SLC30A6: variants seen among roughly 807,000 people sequenced by gnomAD.
SLC30A6 encodes the protein solute carrier family 30 member 6.
Under a neutral mutation model 63.0 loss-of-function variants are expected in SLC30A6, and 55 were observed. The observed-to-expected ratio is 0.87, with a 90% CI of 0.70 to 1.09. The LOEUF is 1.09. Among genes scored for constraint, SLC30A6 ranks in the 50% least tolerant of loss-of-function variants. The pLI is 0.00. For synonymous variants in SLC30A6, 224 were observed against 186.1 expected, an observed-to-expected ratio of 1.20 and a Z score of -1.66; for missense variants, 587 against 549.2, an observed-to-expected ratio of 1.07 and a Z score of -0.69.
intron 13 of SLC30A6, 23 bp from the exon 14 acceptor site, chr2:32,220,190 T>G (rs1399073061): frequency 1.3e-6 from 2 of 1,589,084 alleles, no homozygotes; most frequent in Non-Finnish European, 1.7e-6. Context: ...GCAATCTCTT[T>G]GTTATGATTT....
At chr2:32,187,122 T>C (rs1682904060) in intron 5 of SLC30A6, 1 of 469,660 alleles carries the variant, frequency 2.1e-6, no homozygotes, top group South Asian at 1.5e-5. Flanking sequence ...ACTAGACCAC[T>C]GAGGACATTG....
At chr2:32,166,954 C>T (rs1364353547) in intron 1 of SLC30A6, among the ~76,000 whole-genome samples, 2 of 152,004 alleles carry the variant, frequency 1.3e-5, no homozygotes, top group African/African-American at 2.4e-5. Flanking sequence ...AAAATTTGAC[C>T]ACATCACTCC....
At chr2:32,207,487 C>A (rs1422734355) in intron 12 of SLC30A6, among the ~76,000 whole-genome samples, 1 of 151,768 alleles carries the variant, frequency 6.6e-6, no homozygotes, top group Non-Finnish European at 1.5e-5. Context: ...AGTGATTCTC[C>A]TGCCTCAGCC....
intron 2 of SLC30A6, 124 bp from the exon 3 acceptor site, chr2:32,173,939 A>C: frequency 1.6e-6 from 1 of 626,010 alleles, no homozygotes; most frequent in Non-Finnish European, 2.6e-6. Flanking sequence ...AAAGTGTGAC[A>C]CAGACTTTTT....
chr2:32,181,593 G>A (rs948734600), intron 4 of SLC30A6, among the ~76,000 whole-genome samples: 4 of 152,116 alleles, frequency 2.6e-5, no homozygotes, highest in Non-Finnish European at 4.4e-5. Context: ...TTGGCCGGGC[G>A]AGGTGGCTCA....
intron 13 of SLC30A6, among the ~76,000 whole-genome samples, chr2:32,215,059 A>T (rs1045734600): frequency 7.2e-5 from 11 of 152,222 alleles, no homozygotes; most frequent in African/African-American, 2.2e-4. Context: ...CAAGTCATAG[A>T]TTCAGATACA....
chr2:32,167,247 G>C (rs1467606185), intron 1 of SLC30A6, among the ~76,000 whole-genome samples: 2 of 152,028 alleles, frequency 1.3e-5, no homozygotes, highest in Non-Finnish European at 2.9e-5. Flanking sequence ...GGCTAATTTT[G>C]TATTTTTAGT....
At chr2:32,190,440 CAG>C (rs2148847994) in intron 5 of SLC30A6, among the ~76,000 whole-genome samples, 1 of 147,202 alleles carries the variant, frequency 6.8e-6, no homozygotes, top group East Asian at 2.0e-4. Flanking sequence ...GCCTGGGCGA[CAG>C]AGTGAGACTC....
chr2:32,165,912 G>C lies in SLC30A6; in HGVS notation c.3+9G>C, dbSNP rs754794898. 2.5e-6 allele frequency: 4 copies of C among 1,614,190 alleles called. No individual in the cohort carries two copies. The highest frequency in any genetic ancestry group is 4.5e-5 in the East Asian group (2 of 44,868). Reference sequence around the variant, plus strand: ...TGCAGCTCCTTATCATGGTGAGTTGGCTGTTGGGGTGAGGGTTTCGGCTGT... The same window carrying C: ...TGCAGCTCCTTATCATGGTGAGTTGCCTGTTGGGGTGAGGGTTTCGGCTGT... On this transcript the variant is annotated intron_variant, in intron 1 of 13. Coordinates refer to ENST00000282587, the MANE Select transcript of SLC30A6 (RefSeq NM_017964.5).
At chr2:32,199,077 C>A (rs1252442071) in intron 10 of SLC30A6, among the ~76,000 whole-genome samples, 1 of 152,154 alleles carries the variant, frequency 6.6e-6, no homozygotes, top group Non-Finnish European at 1.5e-5. Flanking sequence ...GAAATGAAAT[C>A]ATATAATATT....
intron 6 of SLC30A6, 41 bp from the exon 7 acceptor site, chr2:32,192,877 T>A (rs1293081311): frequency 6.2e-6 from 8 of 1,294,562 alleles, no homozygotes; most frequent in Non-Finnish European, 8.4e-6. Flanking sequence ...TTTAACTTTA[T>A]AATTTATAGG....
Position 32,220,853 on chromosome 2 carries a change from T to G in SLC30A6, c.*140T>G. The G allele has an allele frequency of 1.3e-6, 1 of 790,364 alleles. No individual in the cohort carries two copies. The highest frequency in any genetic ancestry group is 1.7e-5 in the African/African-American group (1 of 57,620). 49.0% of individuals were successfully genotyped at this position (790,364 alleles called of 1,614,324 possible). Reference sequence around the variant, plus strand: ...TCTTGTTCACATTTCATGAAACCTATGAAACTATATTTTTGTAAAATGTAT... The same window carrying G: ...TCTTGTTCACATTTCATGAAACCTAGGAAACTATATTTTTGTAAAATGTAT... On this transcript the variant is annotated 3_prime_UTR_variant, in exon 14 of 14. Transcript: ENST00000282587.
chr2:32,206,839 C>T, intron 11 of SLC30A6, 47 bp from the exon 12 acceptor site: 1 of 1,527,380 alleles, frequency 6.5e-7, no homozygotes, highest in Non-Finnish European at 9.1e-7. Flanking sequence ...TGTTGGCAAA[C>T]TTTTTTCCTT....
In SLC30A6 at chr2:32,171,301, C is replaced by T; in HGVS notation, c.18C>T (p.Leu6=). The T allele has an allele frequency of 6.2e-7, 1 of 1,613,682 alleles. No individual in the cohort carries two copies. The part of the protein sequence containing the change: MGTIH[L]FRKPQRSFFG... ...TTGTTTGAAAGGGGACAATTCATCTCTTTCGAAAACCACAAAGATCCTTTT... is the reference window on the plus strand; with the variant it reads ...TTGTTTGAAAGGGGACAATTCATCTTTTTCGAAAACCACAAAGATCCTTTT... Residue 6 remains leucine, a synonymous_variant, in exon 2 of 14, where the codon CTC becomes CTT. Transcript: ENST00000282587.
intron 4 of SLC30A6, among the ~76,000 whole-genome samples, chr2:32,183,563 C>G (rs1166744175): frequency 6.6e-6 from 1 of 151,496 alleles, no homozygotes; most frequent in East Asian, 1.9e-4. Context: ...TGGTGCATGC[C>G]TGTAATTACA....
intron 4 of SLC30A6, among the ~76,000 whole-genome samples, chr2:32,177,784 A>G (rs1681905600): frequency 6.7e-6 from 1 of 150,036 alleles, no homozygotes; most frequent in Non-Finnish European, 1.5e-5. Context: ...ATGAGCCACC[A>G]TGCCCAATTA....
intron 9 of SLC30A6, 105 bp downstream of exon 9, chr2:32,197,497 A>C: frequency 7.8e-7 from 1 of 1,280,998 alleles, no homozygotes; most frequent in Non-Finnish European, 1.1e-6. Context: ...TACTACGTGA[A>C]TCACACAGGT....
chr2:32,220,714 T>G lies in SLC30A6; in HGVS notation c.*1T>G, dbSNP rs1488718784. ...TAGAATTGGACAACCAAGACCATGA[T>G]AGACTCTAACTTATTTTTATAAGGA... On this transcript the variant is annotated 3_prime_UTR_variant, in exon 14 of 14. Coordinates refer to ENST00000282587, the MANE Select transcript of SLC30A6 (RefSeq NM_017964.5). 1.2e-6 allele frequency: 2 copies of G among 1,607,014 alleles called. No homozygotes were observed. Among genetic ancestry groups the G allele is most frequent in the Non-Finnish European group, 1.7e-6 (2 of 1,176,104 alleles).
At chr2:32,203,091 C>G in intron 10 of SLC30A6, 1 of 1,309,556 alleles carries the variant, frequency 7.6e-7, no homozygotes, top group South Asian at 1.2e-5. Context: ...AGAATTTACA[C>G]TAAAAGACTT....
Sources: gnomAD v4.1 joint callset for allele counts (sites outside exome capture counted in the v4.1 genomes callset) on GRCh38, gnomAD v4.1.1 for gene constraint, MANE v1.5 for transcripts, NCBI Gene and HGNC (gene_info 2026-07-23, HGNC 2026-07-21) for gene names.